Variants in MUC13 observed in about 807,000 individuals in gnomAD.
MUC13 encodes the protein mucin-13.
MUC13 carries 32 observed loss-of-function variants against 48.3 expected under a neutral mutation model. That is an observed-to-expected ratio of 0.66 (90% CI 0.50 to 0.89). MUC13 has a LOEUF of 0.89. Among genes scored for constraint, MUC13 ranks in the 40% least tolerant of loss-of-function variants. The pLI is 0.00. For missense variants in MUC13, 571 were observed against 622.8 expected (o/e 0.92, Z 0.88); for synonymous variants, 199 against 224.9 (o/e 0.88, Z 1.03).
chr3:124,927,246 G>C (rs1259759954), intron 2 of MUC13, among the ~76,000 whole-genome samples: 1 of 152,046 alleles, frequency 6.6e-6, no homozygotes, highest in Non-Finnish European at 1.5e-5. Flanking sequence ...GAAAGCTATA[G>C]AGCTACCTTT....
At chr3:124,913,087 C>G in intron 8 of MUC13, 24 bp downstream of exon 8, 1 of 1,611,718 alleles carries the variant, frequency 6.2e-7, no homozygotes, top group Middle Eastern at 1.7e-4. Flanking sequence ...TGTGGCAAGA[C>G]AAAAACAAAG....
At chr3:124,917,919 C>T (rs1359913596) in intron 5 of MUC13, among the ~76,000 whole-genome samples, 2 of 152,098 alleles carry the variant, frequency 1.3e-5, no homozygotes, top group African/African-American at 4.8e-5. Context: ...AAGAATCTAC[C>T]AGTTTATACA....
intron 1 of MUC13, among the ~76,000 whole-genome samples, chr3:124,930,223 T>C (rs1035291038): frequency 5.3e-5 from 8 of 152,252 alleles, no homozygotes; most frequent in Non-Finnish European, 7.3e-5. Context: ...GTTTTGGACT[T>C]GGTGGCTTGT....
In MUC13 at chr3:124,910,474, C is replaced by T; in HGVS notation, c.1278G>A (p.Val426=). The T allele has an allele frequency of 6.2e-7, 1 of 1,614,008 alleles. No individual in the cohort carries two copies. Among genetic ancestry groups the T allele is most frequent in the Non-Finnish European group, 8.5e-7 (1 of 1,179,964 alleles). ...KDKFQLILTI[V]GTIAGIVILS... ...GAATGACAATGCCAGCGATGGTGCC[C>T]ACAATAGTGAGGATCAGCTGAAATT... Residue 426 remains valine (V), a synonymous_variant, in exon 10 of 12, where the codon GTG becomes GTA. Coordinates refer to ENST00000616727, the MANE Select transcript of MUC13 (RefSeq NM_033049.4).
At chr3:124,926,436 G>C (rs1439710968) in intron 2 of MUC13, among the ~76,000 whole-genome samples, 1 of 152,216 alleles carries the variant, frequency 6.6e-6, no homozygotes, top group Non-Finnish European at 1.5e-5. Flanking sequence ...CAGGACAGCT[G>C]TGTCCCATTG....
intron 8 of MUC13, 45 bp from the exon 9 acceptor site, chr3:124,912,186 T>C: frequency 1.2e-6 from 2 of 1,604,598 alleles, no homozygotes; most frequent in Non-Finnish European, 1.7e-6. Context: ...AGAGCCCCTG[T>C]GGGGAGCATG....
intron 2 of MUC13, among the ~76,000 whole-genome samples, chr3:124,926,563 T>C (rs1368137132): frequency 6.6e-6 from 1 of 152,198 alleles, no homozygotes; most frequent in Non-Finnish European, 1.5e-5. Context: ...CAAAGAACAT[T>C]GAGGAAGCTA....
chr3:124,906,914 C>T lies in MUC13; in HGVS notation c.*1-172G>A, dbSNP rs116157157. Among the ~76,000 whole-genome samples, 1,425 of 152,276 alleles carry T rather than the reference C, an allele frequency of 9.4e-3. 31 individuals carry two copies. Among genetic ancestry groups the T allele is most frequent in the African/African-American group, 0.032 (1,327 of 41,542 alleles). On this transcript the variant is annotated intron_variant, in intron 11 of 11. Coordinates refer to ENST00000616727, the MANE Select transcript of MUC13 (RefSeq NM_033049.4). The stretch of plus-strand genomic sequence containing the variant: ...TTTCTCTCACGTCTCTTCCATTCCC[C>T]ATCTCTTTCCCAGCTCCCTTTCTCC...
At chr3:124,929,067 G>A (rs1324453412) in intron 1 of MUC13, among the ~76,000 whole-genome samples, 1 of 152,112 alleles carries the variant, frequency 6.6e-6, no homozygotes, top group African/African-American at 2.4e-5. Flanking sequence ...TGCCCTCTGA[G>A]CTATGATGGA....
chr3:124,928,077 T>A, intron 1 of MUC13, 84 bp from the exon 2 acceptor site: 50 of 862,706 alleles, frequency 5.8e-5, no homozygotes, highest in Non-Finnish European at 8.1e-5. Flanking sequence ...CATATCCAAC[T>A]CATTCTTTTT....
chr3:124,931,029 A>C (rs965858667), intron 1 of MUC13, among the ~76,000 whole-genome samples: 5 of 152,178 alleles, frequency 3.3e-5, no homozygotes, highest in African/African-American at 1.2e-4. Flanking sequence ...TGTACAAGAC[A>C]CACTTCCTGC....
At chr3:124,925,665 G>A (rs1057248184) in intron 2 of MUC13, among the ~76,000 whole-genome samples, 5 of 152,186 alleles carry the variant, frequency 3.3e-5, no homozygotes, top group Non-Finnish European at 7.3e-5. Flanking sequence ...CCAGCCTGGA[G>A]TGCACTGACA....
chr3:124,925,620 C>T (rs1213893334), intron 2 of MUC13, among the ~76,000 whole-genome samples: 1 of 152,112 alleles, frequency 6.6e-6, no homozygotes, highest in Non-Finnish European at 1.5e-5. Context: ...AGTTCATTAA[C>T]ATTATATTTT....
At chr3:124,912,772 C>T (rs1245261272) in intron 8 of MUC13, among the ~76,000 whole-genome samples, 1 of 151,896 alleles carries the variant, frequency 6.6e-6, no homozygotes, top group Non-Finnish European at 1.5e-5. Context: ...CCCGTCTCCA[C>T]TAAAAATACA....
At chr3:124,930,452 TC>T (rs1935775007) in intron 1 of MUC13, among the ~76,000 whole-genome samples, 1 of 152,196 alleles carries the variant, frequency 6.6e-6, no homozygotes, top group South Asian at 2.1e-4. Context: ...AGAGCTGATA[TC>T]CCAGGCTTAA....
intron 10 of MUC13, among the ~76,000 whole-genome samples, chr3:124,908,708 C>G (rs79525792): frequency 2.3e-4 from 35 of 152,318 alleles, no homozygotes; most frequent in Non-Finnish European, 4.6e-4. Flanking sequence ...ACCTGGACTT[C>G]AATGCTGATC....
At chr3:124,915,473 C>A (rs1228549180) in intron 6 of MUC13, among the ~76,000 whole-genome samples, 1 of 152,146 alleles carries the variant, frequency 6.6e-6, no homozygotes, top group Non-Finnish European at 1.5e-5. Flanking sequence ...CCATTTATAC[C>A]CAGCAGCTAA....
chr3:124,922,450 C>A (rs1046050569), intron 3 of MUC13, 147 bp from the exon 4 acceptor site: 2 of 1,029,516 alleles, frequency 1.9e-6, no homozygotes, highest in Non-Finnish European at 2.7e-6. Flanking sequence ...AGTTACCCAT[C>A]ATCCTGCCCA....
chr3:124,916,063 A>G (rs1935506469), intron 6 of MUC13, among the ~76,000 whole-genome samples: 1 of 152,204 alleles, frequency 6.6e-6, no homozygotes, highest in Non-Finnish European at 1.5e-5. Context: ...CCTGCCCAGC[A>G]GTGGTTTGTC....
Sources: allele counts gnomAD v4.1 joint callset (sites outside exome capture counted in the v4.1 genomes callset), GRCh38; gene constraint gnomAD v4.1.1; transcripts MANE v1.5; gene names NCBI Gene and HGNC (gene_info 2026-07-23, HGNC 2026-07-21).